Variants in HTR4 observed in about 807,000 individuals in gnomAD.
HTR4 encodes the protein 5-hydroxytryptamine (serotonin) receptor 4, G protein-coupled.
A neutral mutation model predicts 36.8 loss-of-function variants in HTR4; 16 were observed. The observed-to-expected ratio is 0.43, with a 90% CI of 0.29 to 0.66. The LOEUF (loss-of-function observed/expected upper bound fraction) is 0.66. Among genes scored for constraint, HTR4 ranks in the 30% least tolerant of loss-of-function variants. The pLI, the probability that HTR4 is intolerant of heterozygous loss-of-function variation, is 0.13. For synonymous variants in HTR4, 189 were observed against 185.1 expected, an observed-to-expected ratio of 1.02 and a Z score of -0.17; for missense variants, 438 against 490.9, an observed-to-expected ratio of 0.89 and a Z score of 1.02.
At chr5:148,641,645 T>C (rs929318211) in intron 1 of HTR4, among the ~76,000 whole-genome samples, 1 of 152,232 alleles carries the variant, frequency 6.6e-6, no homozygotes, top group African/African-American at 2.4e-5. Context: ...AGCTTCTTTT[T>C]CTTCACGGAT....
Position 148,482,543 on chromosome 5 carries a change from C to T in HTR4, c.*660G>A, listed in dbSNP as rs1235510021. On this transcript the variant is annotated 3_prime_UTR_variant, in exon 7 of 7. Transcript: ENST00000377888. ...TCCATGGAAAATAAATGGAGCATGT[C>T]CTGAAGAGGAGGACAGACATTGGAC... is the stretch of plus-strand genomic sequence containing the variant. 3.0e-6 allele frequency: 3 copies of T among 985,744 alleles called. No individual in the cohort carries two copies. The highest frequency in any genetic ancestry group is 2.4e-6 in the Non-Finnish European group (2 of 830,330). The allele number at this position is 985,744 out of a possible 1,614,324, so 61.1% of individuals were successfully genotyped here.
At chr5:148,478,617 G>C (rs966966447), downstream of HTR4, among the ~76,000 whole-genome samples, 12 of 152,062 alleles carry the variant, frequency 7.9e-5, no homozygotes, top group African/African-American at 2.7e-4. Context: ...CCAGCGATTG[G>C]GCTTTAGGCT....
chr5:148,555,741 A>G (rs1313746404), intron 2 of HTR4, among the ~76,000 whole-genome samples: 2 of 152,160 alleles, frequency 1.3e-5, no homozygotes, highest in East Asian at 3.9e-4. Context: ...TGATCCATTA[A>G]TAAACTCCAC....
At chr5:148,628,214 A>G (rs1269327534) in intron 2 of HTR4, among the ~76,000 whole-genome samples, 1 of 152,256 alleles carries the variant, frequency 6.6e-6, no homozygotes, top group Non-Finnish European at 1.5e-5. Flanking sequence ...TTAGAAAAGC[A>G]AACCATTGAA....
intron 5 of HTR4, among the ~76,000 whole-genome samples, chr5:148,516,961 A>G (rs1757787876): frequency 6.6e-6 from 1 of 152,220 alleles, no homozygotes; most frequent in South Asian, 2.1e-4. Flanking sequence ...GACTCAGTAA[A>G]GGCCCCAAAG....
chr5:148,471,609 A>C (rs957967252), intron 5 of HTR4, among the ~76,000 whole-genome samples: 4 of 152,216 alleles, frequency 2.6e-5, no homozygotes, highest in Non-Finnish European at 5.9e-5. Context: ...GACTGTACTT[A>C]TGACTTCTAA....
Position 148,564,773 on chromosome 5 carries a change from A to G in HTR4, c.27-14511T>C, listed in dbSNP as rs1166309721. ...ACTCTTTAGGCTAATAATACTTTTA[A>G]GTCTATTTTCTAGTCATGTCCTGGG... On this transcript the variant is annotated intron_variant, in intron 2 of 6. Coordinates refer to ENST00000377888, the MANE Select transcript of HTR4 (RefSeq NM_000870.7). Among the ~76,000 whole-genome samples the G allele has an allele frequency of 2.0e-5, 3 of 152,178 alleles. No homozygotes were observed. In the East Asian group the frequency reaches 5.8e-4, roughly 29 times the overall value.
intron 2 of HTR4, among the ~76,000 whole-genome samples, chr5:148,574,051 G>A (rs1309498886): frequency 6.6e-6 from 1 of 152,030 alleles, no homozygotes; most frequent in Non-Finnish European, 1.5e-5. Flanking sequence ...AGAAACATAG[G>A]CTGACCATTA....
intron 2 of HTR4, 113 bp downstream of exon 2, chr5:148,636,876 C>G: frequency 1.5e-6 from 1 of 658,750 alleles, no homozygotes. Context: ...TATGAAACAT[C>G]AAAGAAAATC....
At chr5:148,516,041 TATG>T (rs1479769274) in intron 5 of HTR4, among the ~76,000 whole-genome samples, 1 of 150,508 alleles carries the variant, frequency 6.6e-6, no homozygotes, top group Non-Finnish European at 1.5e-5. Flanking sequence ...TATATTCTGA[TATG>T]ATACATATAT....
chr5:148,475,855 G>C (rs1274374389), downstream of HTR4, among the ~76,000 whole-genome samples: 1 of 152,180 alleles, frequency 6.6e-6, no homozygotes, highest in Admixed American at 6.5e-5. Flanking sequence ...TCATCACACT[G>C]GGTGGGGAAT....
intron 2 of HTR4, among the ~76,000 whole-genome samples, chr5:148,563,755 T>C (rs1760316805): frequency 6.6e-6 from 1 of 152,232 alleles, no homozygotes; most frequent in Admixed American, 6.5e-5. Flanking sequence ...TTGCATTAGG[T>C]ATTGTTAAGT....
At chr5:148,560,196 CT>C (rs35663725) in intron 2 of HTR4, among the ~76,000 whole-genome samples, 8,272 of 128,050 alleles carry the variant, frequency 0.065, 510 homozygotes, top group African/African-American at 0.17. Flanking sequence ...TTACGGAAAG[CT>C]TTTTTTTTAA....
intron 2 of HTR4, among the ~76,000 whole-genome samples, chr5:148,630,570 CA>C (rs1753287093): frequency 6.6e-6 from 1 of 152,108 alleles, no homozygotes; most frequent in South Asian, 2.1e-4. Flanking sequence ...AATATTCAAA[CA>C]ATTTAATAAC....
chr5:148,526,495 T>C lies in HTR4; in HGVS notation c.354-3149A>G, dbSNP rs534112820. Among the ~76,000 whole-genome samples the C allele has an allele frequency of 5.9e-5, 9 of 152,178 alleles. 1 individual carries two copies. Among genetic ancestry groups the C allele is most frequent in the Middle Eastern group, 6.8e-3 (2 of 294 alleles). ...AATGAGGTGCCGAGATGTTGCCAAG[T>C]AAAGAGCAGATTTCAGAAATTTTGG... On this transcript the variant is annotated intron_variant, in intron 4 of 6. Transcript: ENST00000377888.
chr5:148,504,110 C>A (rs532016822), intron 6 of HTR4, among the ~76,000 whole-genome samples: 1 of 152,148 alleles, frequency 6.6e-6, no homozygotes, highest in Non-Finnish European at 1.5e-5. Flanking sequence ...ACAAGGATAT[C>A]CAAGAATTAA....
Position 148,555,970 on chromosome 5 carries a change from A to ACACT in HTR4, c.27-5709_27-5708insAGTG, listed in dbSNP as rs1554095210. Among the ~76,000 whole-genome samples, 21 of 146,534 alleles carry ACACT rather than the reference A, an allele frequency of 1.4e-4. 1 individual carries two copies. Among genetic ancestry groups the ACACT allele is most frequent in the African/African-American group, 3.0e-4 (12 of 39,940 alleles). ...GTCACACACACACACACACACACAC[A>ACACT]CTCTCTCTCTCTCTCTCATACTTTC... On this transcript the variant is annotated intron_variant, in intron 2 of 6. Coordinates refer to ENST00000377888, the MANE Select transcript of HTR4 (RefSeq NM_000870.7).
intron 4 of HTR4, among the ~76,000 whole-genome samples, chr5:148,529,480 T>C (rs1758447656): frequency 1.3e-5 from 2 of 152,210 alleles, no homozygotes; most frequent in African/African-American, 4.8e-5. Flanking sequence ...TCTTCTCTAG[T>C]CTGCTGCCAT....
intron 5 of HTR4, among the ~76,000 whole-genome samples, chr5:148,455,668 T>G (rs1057007316): frequency 1.3e-5 from 2 of 152,112 alleles, no homozygotes; most frequent in Non-Finnish European, 2.9e-5. Context: ...GGGTTGCTGA[T>G]CCCCTGTGCA....
Sources: allele counts gnomAD v4.1 joint callset (sites outside exome capture counted in the v4.1 genomes callset), GRCh38; gene constraint gnomAD v4.1.1; transcripts MANE v1.5; gene names NCBI Gene and HGNC (gene_info 2026-07-23, HGNC 2026-07-21).